Variants in RABEP1 observed in about 807,000 individuals in gnomAD.
RABEP1 encodes rab GTPase-binding effector protein 1.
Under a neutral mutation model 123.4 loss-of-function variants are expected in RABEP1, and 51 were observed. The ratio of observed to expected loss-of-function variants is 0.41; its 90% CI spans 0.33 to 0.52. The LOEUF is 0.52. Among genes scored for constraint, RABEP1 ranks in the 20% least tolerant of loss-of-function variants. The pLI, the probability that RABEP1 is intolerant of heterozygous loss-of-function variation, is 0.16. For synonymous variants in RABEP1, 347 were observed against 355.2 expected (o/e 0.98, Z 0.26); for missense variants, 888 against 996.3 (o/e 0.89, Z 1.46).
At position 5,335,166 on chromosome 17, in the gene RABEP1, TGTG is replaced by T; in HGVS notation, c.368-14_368-12del. On this transcript the variant is annotated splice_polypyrimidine_tract_variant and intron_variant, in intron 3 of 17. Coordinates refer to ENST00000537505, the MANE Select transcript of RABEP1 (RefSeq NM_004703.6). ...TTTCATAATGCTTAGATGTGAAATATGTGGTGATGTTTTGTAGAAACAGTTCGT... is the reference window on the plus strand; with the variant it reads ...TTTCATAATGCTTAGATGTGAAATATGTGATGTTTTGTAGAAACAGTTCGT... 6.3e-7 allele frequency: 1 copy of T among 1,584,812 alleles called. No homozygotes were observed.
Position 5,302,665 on chromosome 17 carries a change from C to T in RABEP1, c.35-6029C>T, listed in dbSNP as rs187877758. On this transcript the variant is annotated intron_variant, in intron 1 of 17. Transcript: ENST00000537505. ...GCAGCCTCAACCTCCCAGGCGCAAG[C>T]GACAGGCACACACAACCACACCTGG... Among the ~76,000 whole-genome samples the T allele has an allele frequency of 1.4e-4, 21 of 145,754 alleles. No individual in the cohort carries two copies. In the East Asian group the frequency reaches 3.8e-3, roughly 27 times the overall value.
chr17:5,308,708 C>T lies in RABEP1; in HGVS notation c.49C>T (p.Arg17Trp), dbSNP rs764364995. Reference protein sequence around the residue: ...ASQPDVSLQQRVAELEKINAE... With the variant: ...ASQPDVSLQQWVAELEKINAE... ...TTTTCCCCCAGTTTCTCTTCAGCAACGGGTAGCAGAATTGGAAAAAATTAA... is the reference window on the plus strand; with the variant it reads ...TTTTCCCCCAGTTTCTCTTCAGCAATGGGTAGCAGAATTGGAAAAAATTAA... Residue 17 changes from arginine to tryptophan, a missense_variant, in exon 2 of 18, where the codon CGG becomes TGG. Arg to Trp is a moderately radical substitution (Grantham distance 101, BLOSUM62 -3). Transcript: ENST00000537505. The T allele has an allele frequency of 5.0e-6, 8 of 1,608,416 alleles. No homozygotes were observed. Among genetic ancestry groups the T allele is most frequent in the African/African-American group, 2.7e-5 (2 of 74,608 alleles).
In RABEP1 at chr17:5,335,486, C is replaced by A. The variant is rs983026501; in HGVS notation, c.528+142C>A. The A allele has an allele frequency of 1.0e-5, 7 of 694,400 alleles. No individual in the cohort carries two copies. In the African/African-American group the frequency reaches 1.1e-4, roughly 11 times the overall value. 43.0% of individuals were successfully genotyped at this position (694,400 alleles called of 1,614,324 possible). A position where few individuals can be genotyped will look rare whatever the true frequency, so the allele number is the denominator to read the frequency against. ...TTTGGACACAGACCTAAACATAGTA[C>A]TAAATAATGTTATATCTATGGCTAA... On this transcript the variant is annotated intron_variant, in intron 4 of 17. Transcript: ENST00000537505.
At chr17:5,360,611 G>A (rs1909428365) in intron 8 of RABEP1, among the ~76,000 whole-genome samples, 1 of 152,164 alleles carries the variant, frequency 6.6e-6, no homozygotes, top group East Asian at 1.9e-4. Flanking sequence ...CACTACTCTG[G>A]CTTCTCCTTT....
At chr17:5,286,865 G>C (rs1024033687) in intron 1 of RABEP1, among the ~76,000 whole-genome samples, 35 of 152,342 alleles carry the variant, frequency 2.3e-4, no homozygotes, top group Non-Finnish European at 3.8e-4. Context: ...GCAGGAGAAA[G>C]GGAAGGGGGT....
intron 2 of RABEP1, among the ~76,000 whole-genome samples, chr17:5,322,394 A>G (rs1033132075): frequency 2.0e-5 from 3 of 152,150 alleles, no homozygotes; most frequent in Admixed American, 6.6e-5. Flanking sequence ...AAGAGGAAAA[A>G]AGGGTCATAT....
At chr17:5,315,466 A>G (rs1366300622) in intron 2 of RABEP1, among the ~76,000 whole-genome samples, 1 of 152,212 alleles carries the variant, frequency 6.6e-6, no homozygotes, top group Non-Finnish European at 1.5e-5. Context: ...AAGGAATAGT[A>G]AAGAATATTT....
intron 2 of RABEP1, among the ~76,000 whole-genome samples, chr17:5,325,681 C>A (rs1905901664): frequency 6.7e-6 from 1 of 149,676 alleles, no homozygotes; most frequent in African/African-American, 2.5e-5. Flanking sequence ...ATGGTTCTAG[C>A]ATAAAGAAAA....
At chr17:5,317,030 G>A (rs56021832) in intron 2 of RABEP1, among the ~76,000 whole-genome samples, 25,547 of 151,820 alleles carry the variant, frequency 0.17, 2,238 homozygotes, top group Middle Eastern at 0.22. Flanking sequence ...CTAGCCTCCT[G>A]AGTTGCTGGA....
intron 8 of RABEP1, among the ~76,000 whole-genome samples, chr17:5,360,582 G>A (rs1480302061): frequency 1.3e-5 from 2 of 151,984 alleles, no homozygotes; most frequent in African/African-American, 4.8e-5. Flanking sequence ...AAAATACTAC[G>A]TTCTCGTCAT....
chr17:5,308,818 A>G lies in RABEP1; in HGVS notation c.159A>G (p.Lys53=), dbSNP rs777626509. 8 of 1,608,302 alleles carry G rather than the reference A, an allele frequency of 5.0e-6. No homozygotes were observed. The Admixed American group carries it at 8.4e-5, about 17-fold the overall frequency. The part of the protein sequence containing the change: ...RAKFKELYLA[K]EEDLKRQNAV... ...AATTTAAGGAGTTATATTTGGCTAAAGAGGGTAAGTTCATAAGTCTCGCAC... is the reference window on the plus strand; with the variant it reads ...AATTTAAGGAGTTATATTTGGCTAAGGAGGGTAAGTTCATAAGTCTCGCAC... The change falls in exon 2 of 18, where the codon AAA becomes AAG. Residue 53 remains lysine (K), a synonymous_variant. Transcript: ENST00000537505.
chr17:5,344,739 T>G (rs1191019359), intron 5 of RABEP1, among the ~76,000 whole-genome samples: 1 of 118,234 alleles, frequency 8.5e-6, no homozygotes, highest in African/African-American at 3.4e-5. Flanking sequence ...GCCTCTGCAC[T>G]CCAGCCTGGG....
intron 6 of RABEP1, 92 bp downstream of exon 6, chr17:5,347,017 A>G: frequency 9.4e-7 from 1 of 1,063,082 alleles, no homozygotes; most frequent in Non-Finnish European, 1.3e-6. Context: ...TTAAAATAAC[A>G]ATGCAACATG....
At chr17:5,310,398 T>G (rs1175271936) in intron 2 of RABEP1, among the ~76,000 whole-genome samples, 2 of 141,268 alleles carry the variant, frequency 1.4e-5, no homozygotes, top group Non-Finnish European at 3.0e-5. Context: ...CACTACAACC[T>G]CCGCCTCCCA....
chr17:5,355,022 C>T lies in RABEP1; in HGVS notation c.1095+532C>T, dbSNP rs529436772. Among the ~76,000 whole-genome samples the T allele has an allele frequency of 5.9e-5, 9 of 152,296 alleles. No homozygotes were observed. The South Asian group carries it at 1.9e-3, about 32-fold the overall frequency. On this transcript the variant is annotated intron_variant, in intron 8 of 17. Transcript: ENST00000537505. ...GTTAGGTGTTCTGTGGCCTTGTCAC[C>T]TCTCACCTACAGTGTGGCAAGGGCC...
chr17:5,329,019 C>CT (rs760060600), intron 2 of RABEP1, among the ~76,000 whole-genome samples: 9,398 of 110,556 alleles, frequency 0.085, 709 homozygotes, highest in East Asian at 0.14. Flanking sequence ...TTCAGAAAGA[C>CT]TTTTTTTTTT....
At chr17:5,382,048 GCTAAAA>G (rs920740699) in intron 17 of RABEP1, among the ~76,000 whole-genome samples, 12 of 150,954 alleles carry the variant, frequency 7.9e-5, no homozygotes, top group African/African-American at 2.9e-4. Flanking sequence ...AGAATATTGT[GCTAAAA>G]CTAAGTTTTT....
At chr17:5,319,349 AC>A (rs1392640334) in intron 2 of RABEP1, among the ~76,000 whole-genome samples, 6 of 121,700 alleles carry the variant, frequency 4.9e-5, no homozygotes, top group African/African-American at 1.1e-4. Context: ...AAACAAAAAA[AC>A]AAAAAAAAAA....
At chr17:5,361,143 A>T in intron 8 of RABEP1, 65 bp from the exon 9 acceptor site, 1 of 1,357,660 alleles carries the variant, frequency 7.4e-7, no homozygotes, top group Non-Finnish European at 1.0e-6. Flanking sequence ...TACATTTATT[A>T]TAGTTTTTGT....
Sources: gnomAD v4.1 joint callset for allele counts (sites outside exome capture counted in the v4.1 genomes callset) on GRCh38, gnomAD v4.1.1 for gene constraint, MANE v1.5 for transcripts, NCBI Gene and HGNC (gene_info 2026-07-23, HGNC 2026-07-21) for gene names.